DCDC1: variants seen among roughly 807,000 people sequenced by gnomAD.
DCDC1 encodes doublecortin domain containing 1, also known as doublecortin domain-containing protein 1.
DCDC1 carries 200 observed loss-of-function variants against 178.3 expected under a neutral mutation model. The observed-to-expected ratio is 1.12, with a 90% CI of 1.00 to 1.26. The LOEUF (loss-of-function observed/expected upper bound fraction) is 1.26, where lower values mean the gene tolerates loss of function less well. Ranked by LOEUF, DCDC1 falls within the 50% of genes most tolerant of loss-of-function variation. DCDC1 has a pLI of 0.00. For synonymous variants in DCDC1, 690 were observed against 604.8 expected, an observed-to-expected ratio of 1.14 and a Z score of -2.07; for missense variants, 1,983 against 1,749.2, an observed-to-expected ratio of 1.13 and a Z score of -2.38.
intron 22 of DCDC1, among the ~76,000 whole-genome samples, chr11:30,930,565 A>G (rs1179292205): frequency 6.6e-6 from 1 of 152,188 alleles, no homozygotes; most frequent in Non-Finnish European, 1.5e-5. Context: ...GCATATGGGC[A>G]GCACAGCATT....
chr11:30,935,143 C>A (rs1047140486), intron 21 of DCDC1, among the ~76,000 whole-genome samples: 1 of 152,168 alleles, frequency 6.6e-6, no homozygotes, highest in African/African-American at 2.4e-5. Flanking sequence ...AGTTATTTGG[C>A]AGGGAGACCT....
intron 7 of DCDC1, among the ~76,000 whole-genome samples, chr11:31,274,699 C>CTTT (rs72501499): frequency 7.6e-6 from 1 of 132,072 alleles, no homozygotes; most frequent in Non-Finnish European, 1.6e-5. Context: ...TCACAAATGT[C>CTTT]TTTTTTTTTT....
chr11:31,158,284 ATTT>A (rs980546671), intron 9 of DCDC1, among the ~76,000 whole-genome samples: 2 of 135,542 alleles, frequency 1.5e-5, no homozygotes, highest in Non-Finnish European at 3.2e-5. Context: ...AATTTTTTGC[ATTT>A]TTTTTTTTTT....
intron 38 of DCDC1, among the ~76,000 whole-genome samples, chr11:30,873,340 T>G (rs1565007960): frequency 2.2e-5 from 3 of 136,784 alleles, no homozygotes; most frequent in African/African-American, 9.0e-5. Context: ...TGTGTGTGTA[T>G]ATACATATAT....
chr11:30,916,931 T>C lies in DCDC1; in HGVS notation c.3391A>G (p.Ser1131Gly), dbSNP rs1159656659. Residue 1131 changes from serine (S) to glycine (G), a missense_variant, in exon 26 of 39, where the codon AGT (serine) becomes GGT (glycine). Coordinates refer to ENST00000684477, the MANE Select transcript of DCDC1 (RefSeq NM_001387274.1). ...CCTTTTTCCGTTTTCTTTGGAAGAC[T>C]GTCATCCTCATCAAAGTCATGTGAA... ...ETSHDFDEDDSLPKKTEKGLF... is the reference protein window; with the variant it reads ...ETSHDFDEDDGLPKKTEKGLF... 1.9e-5 allele frequency: 30 copies of C among 1,611,154 alleles called. No individual in the cohort carries two copies. The highest frequency in any genetic ancestry group is 2.3e-5 in the Non-Finnish European group (27 of 1,178,704).
intron 3 of DCDC1, among the ~76,000 whole-genome samples, chr11:31,321,681 G>A (rs536528348): frequency 7.2e-5 from 11 of 151,822 alleles, no homozygotes; most frequent in South Asian, 2.1e-4. Context: ...GCTCCTCCCC[G>A]CCCTGCATAC....
At chr11:30,972,967 C>A (rs1009421856) in intron 20 of DCDC1, among the ~76,000 whole-genome samples, 1 of 151,932 alleles carries the variant, frequency 6.6e-6, no homozygotes, top group Admixed American at 6.6e-5. Context: ...ACAACATCTG[C>A]TTGTTTAAAA....
chr11:30,945,957 C>T (rs891168134), intron 21 of DCDC1, among the ~76,000 whole-genome samples: 4 of 151,768 alleles, frequency 2.6e-5, no homozygotes, highest in Non-Finnish European at 5.9e-5. Context: ...TTTTTTTGTT[C>T]GTTTTTTAGC....
At chr11:30,946,323 T>C (rs1032559877) in intron 21 of DCDC1, among the ~76,000 whole-genome samples, 14 of 152,154 alleles carry the variant, frequency 9.2e-5, no homozygotes, top group Non-Finnish European at 1.9e-4. Flanking sequence ...CAGTCTTTTC[T>C]TGGCTCATGC....
chr11:31,216,484 A>G (rs1170266697), intron 9 of DCDC1, among the ~76,000 whole-genome samples: 2 of 152,194 alleles, frequency 1.3e-5, no homozygotes, highest in Non-Finnish European at 2.9e-5. Flanking sequence ...GGGCAGATCT[A>G]CACTGTAGAA....
At chr11:31,148,892 C>T (rs1374530700) in intron 9 of DCDC1, among the ~76,000 whole-genome samples, 1 of 151,576 alleles carries the variant, frequency 6.6e-6, no homozygotes, top group African/African-American at 2.4e-5. Flanking sequence ...TATCCCTCAC[C>T]CCCGCCCAAC....
intron 9 of DCDC1, among the ~76,000 whole-genome samples, chr11:31,164,929 A>G (rs1204436361): frequency 6.6e-6 from 1 of 152,154 alleles, no homozygotes. Flanking sequence ...CAGCTGTGCC[A>G]TTTTAAACCT....
At chr11:31,367,749 T>C (rs565947342) in intron 1 of DCDC1, among the ~76,000 whole-genome samples, 6 of 152,366 alleles carry the variant, frequency 3.9e-5, no homozygotes, top group African/African-American at 1.4e-4. Flanking sequence ...TAATTAATTT[T>C]GTAGCTTGCA....
chr11:30,968,736 T>TATATATATATATATATATATATATATATA (rs1949611544), intron 20 of DCDC1, among the ~76,000 whole-genome samples: 1 of 134,882 alleles, frequency 7.4e-6, no homozygotes, highest in African/African-American at 2.8e-5. Context: ...TATATATATA[T>TATATATATATATATATATATATATATATA]GGTTTGATAT....
chr11:30,906,050 C>T (rs537570288), intron 30 of DCDC1, among the ~76,000 whole-genome samples: 20 of 152,106 alleles, frequency 1.3e-4, no homozygotes, highest in South Asian at 2.1e-4. Context: ...TATAGGAAAG[C>T]GGTAAGAGTT....
chr11:31,285,656 C>T (rs1482116876), intron 7 of DCDC1, among the ~76,000 whole-genome samples: 1 of 151,982 alleles, frequency 6.6e-6, no homozygotes, highest in Non-Finnish European at 1.5e-5. Flanking sequence ...AAATGGTAAA[C>T]ATCATAGAAA....
chr11:31,002,753 G>A (rs891726017), intron 20 of DCDC1, among the ~76,000 whole-genome samples: 1 of 152,066 alleles, frequency 6.6e-6, no homozygotes, highest in Non-Finnish European at 1.5e-5. Context: ...TTTTCTTACA[G>A]AAATTAGATT....
chr11:31,202,300 C>A (rs765222054), intron 9 of DCDC1, among the ~76,000 whole-genome samples: 1 of 152,038 alleles, frequency 6.6e-6, no homozygotes, highest in East Asian at 1.9e-4. Flanking sequence ...CAATGGCTCA[C>A]GCCTGTAATC....
intron 20 of DCDC1, among the ~76,000 whole-genome samples, chr11:30,963,844 A>C (rs1463169622): frequency 6.6e-6 from 1 of 152,012 alleles, no homozygotes; most frequent in Non-Finnish European, 1.5e-5. Context: ...AGTCTTTTAC[A>C]TTTTCCTGTG....
Sources: gnomAD v4.1 joint callset for allele counts (sites outside exome capture counted in the v4.1 genomes callset) on GRCh38, gnomAD v4.1.1 for gene constraint, MANE v1.5 for transcripts, NCBI Gene and HGNC (gene_info 2026-07-23, HGNC 2026-07-21) for gene names.